SH3KBP1: variants seen among roughly 807,000 people sequenced by gnomAD.
SH3KBP1 encodes the protein SH3 domain containing kinase binding protein 1, also known as SH3 domain-containing kinase-binding protein 1.
SH3KBP1 carries 8 observed loss-of-function variants against 50.1 expected under a neutral mutation model. The observed-to-expected ratio is 0.16, with a 90% CI of 0.09 to 0.29. SH3KBP1 has a LOEUF of 0.29. Among genes scored for constraint, SH3KBP1 ranks in the 10% least tolerant of loss-of-function variants. The pLI is 1.00. For missense variants in SH3KBP1, 377 were observed against 535.2 expected (o/e 0.70, Z 2.92); for synonymous variants, 227 against 218.6 (o/e 1.04, Z -0.34).
chrX:19,875,644 T>C (rs958642750), intron 1 of SH3KBP1, among the ~76,000 whole-genome samples: 1 of 112,589 alleles, frequency 8.9e-6, no homozygotes, highest in Non-Finnish European at 1.9e-5. Context: ...CCACCATGGA[T>C]GTGGGCATGG....
At chrX:19,726,086 T>A (rs970905695) in intron 3 of SH3KBP1, among the ~76,000 whole-genome samples, 1 of 111,682 alleles carries the variant, frequency 9.0e-6, no homozygotes, top group Admixed American at 9.5e-5. Flanking sequence ...GACAGGACTA[T>A]AGAAACAGCT....
At chrX:19,606,420 A>G (rs1036058422) in intron 9 of SH3KBP1, among the ~76,000 whole-genome samples, 3 of 112,578 alleles carry the variant, frequency 2.7e-5, no homozygotes, top group Admixed American at 9.4e-5. Flanking sequence ...TGCAGTCACT[A>G]CTAAGTGTTT....
At chrX:19,544,489 T>C (rs913674757) in intron 15 of SH3KBP1, among the ~76,000 whole-genome samples, 5 of 111,230 alleles carry the variant, frequency 4.5e-5, no homozygotes, top group African/African-American at 1.6e-4. Context: ...GCACTGTGAC[T>C]GTGGCTGCCT....
intron 13 of SH3KBP1, among the ~76,000 whole-genome samples, chrX:19,561,815 CTTT>C (rs769428738): frequency 3.1e-5 from 3 of 96,056 alleles, no homozygotes; most frequent in Admixed American, 1.1e-4. Context: ...AATTGAAAGC[CTTT>C]TTTTTTTTTT....
Position 19,802,452 on chromosome X carries a change from C to A in SH3KBP1, c.162+33673G>T, listed in dbSNP as rs115067123. Among the ~76,000 whole-genome samples the A allele has an allele frequency of 5.7e-3, 637 of 111,296 alleles. 8 individuals carry two copies. Among genetic ancestry groups the A allele is most frequent in the African/African-American group, 0.019 (567 of 30,572 alleles). ...AGAGGTCACAGATTGAAGGAACTTTCCTCCATCCACATGTGACGGTGCGGC... is the reference window on the plus strand; with the variant it reads ...AGAGGTCACAGATTGAAGGAACTTTACTCCATCCACATGTGACGGTGCGGC... On this transcript the variant is annotated intron_variant, in intron 2 of 17. Coordinates refer to ENST00000397821, the MANE Select transcript of SH3KBP1 (RefSeq NM_031892.3).
intron 1 of SH3KBP1, among the ~76,000 whole-genome samples, chrX:19,856,809 GTTC>G (rs1004153582): frequency 1.8e-5 from 2 of 109,839 alleles, no homozygotes. Flanking sequence ...ATGGTACTTT[GTTC>G]TGGCAGCCCT....
chrX:19,872,833 T>TCTCACA (rs1211110008), intron 1 of SH3KBP1, among the ~76,000 whole-genome samples: 10 of 96,506 alleles, frequency 1.0e-4, no homozygotes, highest in African/African-American at 3.1e-4. Context: ...TCTCTCTCTC[T>TCTCACA]CACACACACA....
intron 1 of SH3KBP1, among the ~76,000 whole-genome samples, chrX:19,845,047 C>T (rs2068328353): frequency 9.0e-6 from 1 of 111,420 alleles, no homozygotes; most frequent in South Asian, 3.7e-4. Context: ...CCACTGCACT[C>T]CAGCCTGGGC....
At chrX:19,848,034 T>A (rs760412978) in intron 1 of SH3KBP1, among the ~76,000 whole-genome samples, 115 of 112,062 alleles carry the variant, frequency 1.0e-3, no homozygotes, top group Non-Finnish European at 1.9e-3. Flanking sequence ...AATTGAAATA[T>A]GAGTTAGTGA....
At chrX:19,838,926 AAAG>A (rs1211922000) in intron 1 of SH3KBP1, among the ~76,000 whole-genome samples, 1 of 109,923 alleles carries the variant, frequency 9.1e-6, no homozygotes, top group Non-Finnish European at 1.9e-5. Flanking sequence ...AAAAGGAAAA[AAAG>A]AAAGAAAGAA....
chrX:19,581,744 T>A (rs1271059236), intron 12 of SH3KBP1, among the ~76,000 whole-genome samples: 1 of 109,245 alleles, frequency 9.2e-6, no homozygotes, highest in East Asian at 2.9e-4. Flanking sequence ...ATGTTTGGCA[T>A]ATAAATGTTT....
At chrX:19,590,807 C>CTT (rs1302700914) in intron 11 of SH3KBP1, among the ~76,000 whole-genome samples, 4 of 66,436 alleles carry the variant, frequency 6.0e-5, no homozygotes, top group African/African-American at 1.2e-4. Flanking sequence ...CCAGGCCTGG[C>CTT]TATTTTTTTT....
At chrX:19,621,151 T>C (rs2067817243) in intron 8 of SH3KBP1, among the ~76,000 whole-genome samples, 1 of 101,493 alleles carries the variant, frequency 9.9e-6, no homozygotes, top group South Asian at 5.0e-4. Flanking sequence ...CTTGGCTCAC[T>C]GCAAGCTCCG....
intron 3 of SH3KBP1, among the ~76,000 whole-genome samples, chrX:19,735,724 C>CG (rs1175892426): frequency 0.11 from 963 of 8,577 alleles, 62 homozygotes; most frequent in South Asian, 0.18. Flanking sequence ...TTTTTTTTGG[C>CG]GGGGGGGGGG....
At chrX:19,584,339 A>G (rs1301548802) in intron 12 of SH3KBP1, among the ~76,000 whole-genome samples, 1 of 101,193 alleles carries the variant, frequency 9.9e-6, no homozygotes, top group African/African-American at 3.6e-5. Context: ...ACACATATAT[A>G]TATTTATGGA....
At chrX:19,797,479 A>G (rs977460723) in intron 2 of SH3KBP1, among the ~76,000 whole-genome samples, 33 of 112,201 alleles carry the variant, frequency 2.9e-4, no homozygotes, top group Non-Finnish European at 5.1e-4. Context: ...AAGCCAGACC[A>G]TACGAGGCCC....
chrX:19,723,067 T>C (rs186665265), intron 3 of SH3KBP1, among the ~76,000 whole-genome samples: 1 of 103,194 alleles, frequency 9.7e-6, no homozygotes, highest in East Asian at 3.0e-4. Flanking sequence ...TACCTGAGCT[T>C]GGGAAGTTGA....
intron 3 of SH3KBP1, among the ~76,000 whole-genome samples, chrX:19,735,865 G>A (rs191103209): frequency 1.8e-5 from 2 of 109,240 alleles, no homozygotes; most frequent in African/African-American, 6.7e-5. Context: ...CTGGGACTAC[G>A]GGAGCCCGCC....
chrX:19,727,307 C>T (rs1019320450), intron 3 of SH3KBP1, among the ~76,000 whole-genome samples: 9 of 111,991 alleles, frequency 8.0e-5, no homozygotes, highest in African/African-American at 2.9e-4. Flanking sequence ...ACCTATGAAA[C>T]AATAACTGCC....
Sources: gnomAD v4.1 joint callset for allele counts (sites outside exome capture counted in the v4.1 genomes callset) on GRCh38, gnomAD v4.1.1 for gene constraint, MANE v1.5 for transcripts, NCBI Gene and HGNC (gene_info 2026-07-23, HGNC 2026-07-21) for gene names.